HSPA14: variants seen among roughly 807,000 people sequenced by gnomAD.
HSPA14 encodes heat shock 70 kDa protein 14.
Under a neutral mutation model 65.5 loss-of-function variants are expected in HSPA14, and 37 were observed. The observed-to-expected ratio is 0.56, with a 90% CI of 0.43 to 0.74. HSPA14 has a LOEUF of 0.74. Ranked by LOEUF, HSPA14 falls within the 30% of genes least tolerant of loss-of-function variation. The probability of loss-of-function intolerance (pLI) is 0.00; values close to 1 mark genes in which losing one functional copy is unlikely to be tolerated. For synonymous variants in HSPA14, 203 were observed against 214.2 expected (o/e 0.95, Z 0.46); for missense variants, 564 against 607.6 (o/e 0.93, Z 0.75).
chr10:14,858,118 T>TTATGAAAG (rs1393610940), intron 10 of HSPA14, among the ~76,000 whole-genome samples: 1 of 152,152 alleles, frequency 6.6e-6, no homozygotes, highest in African/African-American at 2.4e-5. Flanking sequence ...CTTTCTCTTG[T>TTATGAAAG]TATGAAAGTG....
In HSPA14 at chr10:14,844,665, G is replaced by A. The variant is rs142997864; in HGVS notation, c.222-3944G>A. 4.4e-5 allele frequency: 43 copies of A among 980,278 alleles called. 1 individual carries two copies. Among genetic ancestry groups the A allele is most frequent in the African/African-American group, 4.0e-4 (23 of 57,170 alleles). 60.7% of individuals were successfully genotyped at this position (980,278 alleles called of 1,614,324 possible). A position where few individuals can be genotyped will look rare whatever the true frequency, so the allele number is the denominator to read the frequency against. ...AAGTGCCAGGGAGCCGCCATTGTGT[G>A]TTACGGTTTATATCGATAATCTTCA... On this transcript the variant is annotated intron_variant, in intron 3 of 13. Coordinates refer to ENST00000378372, the MANE Select transcript of HSPA14 (RefSeq NM_016299.4).
intron 1 of HSPA14, among the ~76,000 whole-genome samples, chr10:14,838,733 C>T (rs1424321869): frequency 6.6e-6 from 1 of 152,130 alleles, no homozygotes; most frequent in East Asian, 1.9e-4. Context: ...GGAGGGGTCC[C>T]AGGGACGACG....
chr10:14,838,427 G>C lies in HSPA14; in HGVS notation c.25G>C (p.Gly9Arg). Residue 9 changes from glycine to arginine, a missense_variant, in exon 1 of 14, where the codon GGC (glycine) becomes CGC (arginine). Physicochemically the swap from Gly to Arg is moderately radical, Grantham distance 125 (BLOSUM62 -2). Coordinates refer to ENST00000378372, the MANE Select transcript of HSPA14 (RefSeq NM_016299.4). MAAIGVHLGCTSACVAVYK... is the reference protein window; with the variant it reads MAAIGVHLRCTSACVAVYK... ...CATGGCGGCCATCGGAGTTCACCTG[G>C]GCTGCACCTCAGCCTGTGTGGCCGT... The C allele has an allele frequency of 6.2e-7, 1 of 1,606,620 alleles. No individual in the cohort carries two copies. Among genetic ancestry groups the C allele is most frequent in the South Asian group, 1.1e-5 (1 of 90,034 alleles).
intron 3 of HSPA14, among the ~76,000 whole-genome samples, chr10:14,841,446 A>ATGTTTG (rs1833969651): frequency 6.6e-6 from 1 of 152,186 alleles, no homozygotes; most frequent in South Asian, 2.1e-4. Context: ...TGTAAGAAAT[A>ATGTTTG]ATACAGAGAC....
At chr10:14,857,279 T>C (rs540159102) in intron 10 of HSPA14, among the ~76,000 whole-genome samples, 6 of 152,324 alleles carry the variant, frequency 3.9e-5, no homozygotes, top group African/African-American at 1.4e-4. Context: ...GATTATTCCT[T>C]AGAGTAGATT....
intron 7 of HSPA14, 73 bp from the exon 8 acceptor site, chr10:14,852,297 C>G: frequency 1.6e-6 from 2 of 1,229,420 alleles, no homozygotes; most frequent in Non-Finnish European, 2.3e-6. Context: ...AGGGATTAAA[C>G]TAAGTGACTT....
At chr10:14,849,623 T>C in intron 5 of HSPA14, 98 bp from the exon 6 acceptor site, 1 of 984,212 alleles carries the variant, frequency 1.0e-6, no homozygotes, top group East Asian at 2.6e-5. Context: ...TATTGGGAAA[T>C]ATGTTAAGTG....
At position 14,851,327 on chromosome 10, in the gene HSPA14, A is replaced by G. The variant is rs1204060985; in HGVS notation, c.572+4A>G. 1 of 1,544,822 alleles carries G rather than the reference A, an allele frequency of 6.5e-7. No homozygotes were observed. Among genetic ancestry groups the G allele is most frequent in the Admixed American group, 1.7e-5 (1 of 59,314 alleles). On this transcript the variant is annotated splice_donor_region_variant and intron_variant, in intron 7 of 13. Transcript: ENST00000378372. The stretch of plus-strand genomic sequence containing the variant: ...AAGACTCCCCTACTGGAAAAAGGTA[A>G]AGATCATATTTGCAGTTTTAGGTTT...
chr10:14,856,076 A>G (rs1215350967), intron 10 of HSPA14, 133 bp downstream of exon 10: 5 of 623,804 alleles, frequency 8.0e-6, no homozygotes, highest in Non-Finnish European at 1.4e-5. Flanking sequence ...TGAATAAGGA[A>G]AAATTGATGA....
Position 14,852,349 on chromosome 10 carries a change from T to A in HSPA14, c.573-21T>A, listed in dbSNP as rs370840900. ...TTTTAAAATGTTATTCCCTGATAAC[T>A]TACTTTATCTTCTCTTGAAGCAATA... On this transcript the variant is annotated intron_variant, in intron 7 of 13. Transcript: ENST00000378372. 5.0e-5 allele frequency: 80 copies of A among 1,601,246 alleles called. No individual in the cohort carries two copies. The African/African-American group carries it at 9.9e-4, about 20-fold the overall frequency.
chr10:14,862,923 A>T (rs1832768229), intron 10 of HSPA14, among the ~76,000 whole-genome samples: 1 of 152,240 alleles, frequency 6.6e-6, no homozygotes, highest in South Asian at 2.1e-4. Flanking sequence ...GGCTCAAGAG[A>T]TCCGCCCACC....
intron 1 of HSPA14, among the ~76,000 whole-genome samples, chr10:14,839,623 A>G (rs907598529): frequency 3.3e-5 from 5 of 152,108 alleles, no homozygotes; most frequent in Admixed American, 6.6e-5. Flanking sequence ...GAGGTAGGAA[A>G]GGTAACGTAA....
At chr10:14,843,377 C>T (rs1833999662) in intron 3 of HSPA14, 1 of 1,550,822 alleles carries the variant, frequency 6.4e-7, no homozygotes, top group Non-Finnish European at 8.7e-7. Flanking sequence ...TCAGGGTGCT[C>T]TCAAGGGACC....
rs1833947435 is a variant in HSPA14 at position 14,839,772 on chromosome 10, A to G, written c.58-133A>G. 3 of 507,518 alleles carry G rather than the reference A, an allele frequency of 5.9e-6. No homozygotes were observed. In the South Asian group the frequency reaches 8.8e-5, roughly 15 times the overall value. 31.4% of individuals were successfully genotyped at this position (507,518 alleles called of 1,614,324 possible). A position where few individuals can be genotyped will look rare whatever the true frequency, so the allele number is the denominator to read the frequency against. Reference sequence around the variant, plus strand: ...ATGAAAACGAGGAAATTAAATGGTAATTAAATTTGCAAGTTTAAAATATTG... The same window carrying G: ...ATGAAAACGAGGAAATTAAATGGTAGTTAAATTTGCAAGTTTAAAATATTG... On this transcript the variant is annotated intron_variant, in intron 1 of 13. Coordinates refer to ENST00000378372, the MANE Select transcript of HSPA14 (RefSeq NM_016299.4).
chr10:14,849,694 C>T, intron 5 of HSPA14, 27 bp from the exon 6 acceptor site: 1 of 1,483,236 alleles, frequency 6.7e-7, no homozygotes, highest in Non-Finnish European at 9.3e-7. Flanking sequence ...CTTCTGTCAT[C>T]AGAATTTTAT....
rs918261015 is a variant in HSPA14, at chr10:14,870,640, A to T, written c.1424A>T (p.Asp475Val). ...DLDKKENGLRDILAVLTMKRD... is the reference protein window; with the variant it reads ...DLDKKENGLRVILAVLTMKRD... ...GATAAAAAAGAAAATGGATTACGTG[A>T]TATATTAGCTGTTCTTACTATGAAA... The change falls in exon 13 of 14, where the codon GAT becomes GTT. Residue 475 changes from aspartate (D) to valine (V), a missense_variant. Coordinates refer to ENST00000378372, the MANE Select transcript of HSPA14 (RefSeq NM_016299.4). The T allele has an allele frequency of 5.1e-6, 8 of 1,581,826 alleles. No homozygotes were observed. The African/African-American group carries it at 5.4e-5, about 11-fold the overall frequency.
chr10:14,846,115 T>C, intron 3 of HSPA14: 1 of 982,854 alleles, frequency 1.0e-6, no homozygotes, highest in Non-Finnish European at 1.2e-6. Flanking sequence ...ACACCAGACA[T>C]ATAGACTCTT....
At position 14,857,254 on chromosome 10, in the gene HSPA14, G is replaced by A. The variant is rs1052139841; in HGVS notation, c.993+1311G>A. Among the ~76,000 whole-genome samples, 10 of 152,188 alleles carry A rather than the reference G, an allele frequency of 6.6e-5. No individual in the cohort carries two copies. In the East Asian group the frequency reaches 1.7e-3, roughly 26 times the overall value. ...ATGATGCCTGTCTTTATACAGAGAC[G>A]TTTATCATATTTAGGATTATTCCTT... On this transcript the variant is annotated intron_variant, in intron 10 of 13. Transcript: ENST00000378372.
At chr10:14,865,305 G>A (rs1832795728) in intron 10 of HSPA14, among the ~76,000 whole-genome samples, 2 of 151,726 alleles carry the variant, frequency 1.3e-5, no homozygotes, top group African/African-American at 4.8e-5. Flanking sequence ...TTCTTTTGCT[G>A]TGCAGAAGCT....
Sources: allele counts gnomAD v4.1 joint callset (sites outside exome capture counted in the v4.1 genomes callset), GRCh38; gene constraint gnomAD v4.1.1; transcripts MANE v1.5; gene names NCBI Gene and HGNC (gene_info 2026-07-23, HGNC 2026-07-21).